Variants in LTN1 observed in about 807,000 individuals in gnomAD.
The protein encoded by LTN1 is listerin E3 ubiquitin protein ligase 1, also known as E3 ubiquitin-protein ligase listerin.
LTN1 carries 88 observed loss-of-function variants against 201.2 expected under a neutral mutation model. The observed-to-expected ratio is 0.44, with a 90% CI of 0.37 to 0.52. LTN1 has a LOEUF of 0.52. Ranked by LOEUF, LTN1 falls within the 20% of genes least tolerant of loss-of-function variation. LTN1 has a pLI of 0.00. For synonymous variants in LTN1, 645 were observed against 713.5 expected, an observed-to-expected ratio of 0.90 and a Z score of 1.53; for missense variants, 1,752 against 2,038.7, an observed-to-expected ratio of 0.86 and a Z score of 2.71.
intron 26 of LTN1, among the ~76,000 whole-genome samples, 199 bp downstream of exon 26, chr21:28,936,327 G>A (rs954083287): frequency 6.6e-6 from 1 of 152,198 alleles, no homozygotes; most frequent in Admixed American, 6.5e-5. Flanking sequence ...CTTCAAAAAT[G>A]TATTAAATTC....
At chr21:28,980,831 AAAAT>A (rs2084652806) in intron 6 of LTN1, among the ~76,000 whole-genome samples, 2 of 152,220 alleles carry the variant, frequency 1.3e-5, no homozygotes, top group Admixed American at 6.5e-5. Context: ...CAAAAGGGAA[AAAAT>A]AAATTAATTA....
rs2084295740 is a variant in LTN1 at position 28,941,321 on chromosome 21, T to C, written c.4381A>G (p.Ile1461Val). The change falls in exon 25 of 30, where the codon ATA (isoleucine) becomes GTA (valine). Residue 1461 changes from isoleucine to valine, a missense_variant. This residue lies in a region of LTN1 where 1,211 missense variants were observed against 1,312.8 expected (regional missense o/e 0.92). Transcript: ENST00000361371. The stretch of plus-strand genomic sequence containing the variant: ...TCACTCAGTGGTTTAATAGTAACTA[T>C]CTGTCCAACAGGAATACACCCCAAA... Reference protein sequence around the residue: ...NVLGCIPVGQIVTIKPLSEDF... With the variant: ...NVLGCIPVGQVVTIKPLSEDF... 1.9e-6 allele frequency: 3 copies of C among 1,613,360 alleles called. No homozygotes were observed. The highest frequency in any genetic ancestry group is 8.5e-7 in the Non-Finnish European group (1 of 1,179,428).
At chr21:28,992,517 T>A (rs2084755501) in intron 1 of LTN1, among the ~76,000 whole-genome samples, 1 of 152,122 alleles carries the variant, frequency 6.6e-6, no homozygotes, top group African/African-American at 2.4e-5. Flanking sequence ...TCTTCATGAA[T>A]ATTATGGGTG....
intron 9 of LTN1, among the ~76,000 whole-genome samples, chr21:28,968,725 A>G (rs1412414309): frequency 5.3e-5 from 8 of 151,616 alleles, no homozygotes; most frequent in Non-Finnish European, 1.2e-4. Context: ...GCAATTCTCC[A>G]GCCTCCTGAG....
intron 6 of LTN1, among the ~76,000 whole-genome samples, chr21:28,975,516 T>C (rs149895333): frequency 3.9e-5 from 6 of 152,352 alleles, no homozygotes; most frequent in African/African-American, 1.4e-4. Context: ...TTGCAGGCCA[T>C]GTCATCTCTG....
chr21:28,959,823 A>G (rs1487402261), intron 12 of LTN1, 126 bp from the exon 13 acceptor site: 25 of 756,342 alleles, frequency 3.3e-5, no homozygotes, highest in South Asian at 2.0e-4. Context: ...ACAAAATTTT[A>G]TCAACAAATC....
intron 1 of LTN1, among the ~76,000 whole-genome samples, chr21:28,989,504 C>A (rs2084728553): frequency 6.6e-6 from 1 of 151,880 alleles, no homozygotes; most frequent in African/African-American, 2.4e-5. Flanking sequence ...TCTGTCTACA[C>A]TCTTTCATGC....
In LTN1 at chr21:28,941,200, G is replaced by A. The variant is rs2084294608; in HGVS notation, c.4482+20C>T. On this transcript the variant is annotated intron_variant, in intron 25 of 29. Transcript: ENST00000361371. The stretch of plus-strand genomic sequence containing the variant: ...GCATATTAGGACAGAACTATCGAAA[G>A]TTGTCACATATTTATTTACCTGTGA... 17 of 1,583,542 alleles carry A rather than the reference G, an allele frequency of 1.1e-5. No homozygotes were observed. Among genetic ancestry groups the A allele is most frequent in the Non-Finnish European group, 1.5e-5 (17 of 1,156,514 alleles).
chr21:28,984,667 G>A, intron 4 of LTN1, 25 bp downstream of exon 4: 1 of 1,517,572 alleles, frequency 6.6e-7, no homozygotes, highest in South Asian at 1.2e-5. Context: ...AAAAAAAATA[G>A]ATTCAGAATG....
intron 27 of LTN1, among the ~76,000 whole-genome samples, chr21:28,933,679 T>C (rs1488574707): frequency 5.3e-4 from 53 of 100,766 alleles, no homozygotes; most frequent in African/African-American, 1.0e-3. Flanking sequence ...CTCTCTCTCT[T>C]TTTTTTTTTT....
intron 7 of LTN1, among the ~76,000 whole-genome samples, 193 bp downstream of exon 7, chr21:28,971,078 A>C (rs2084570286): frequency 1.3e-5 from 2 of 152,242 alleles, no homozygotes; most frequent in Admixed American, 6.5e-5. Context: ...GCACTAGGAC[A>C]CATAAGGTTT....
intron 6 of LTN1, among the ~76,000 whole-genome samples, chr21:28,972,517 A>C (rs1208768111): frequency 6.6e-6 from 1 of 152,182 alleles, no homozygotes; most frequent in Non-Finnish European, 1.5e-5. Context: ...TGGAAGGCTG[A>C]CTGTATTTTG....
At chr21:28,955,418 T>C (rs907670065) in intron 16 of LTN1, among the ~76,000 whole-genome samples, 15 of 152,086 alleles carry the variant, frequency 9.9e-5, no homozygotes, top group African/African-American at 3.6e-4. Context: ...TATGGAAGTA[T>C]TTCAAAAAAC....
At chr21:28,949,938 A>G (rs2146276225) in intron 18 of LTN1, among the ~76,000 whole-genome samples, 1 of 152,324 alleles carries the variant, frequency 6.6e-6, no homozygotes, top group East Asian at 1.9e-4. Flanking sequence ...ATGTGTGGAT[A>G]GGTTTCTGGA....
chr21:28,970,697 G>C lies in LTN1; in HGVS notation c.1030C>G (p.Leu344Val). Reference protein sequence around the residue: ...VNAKKSVFPKLSTVIREGGRG... With the variant: ...VNAKKSVFPKVSTVIREGGRG... ...CCACCTTCACGAATCACAGTTGATA[G>C]CTTGGGAAACACACTCTTTTTTGCA... The change falls in exon 8 of 30, where the codon CTA (leucine) becomes GTA (valine). Residue 344 changes from leucine to valine, a missense_variant. Physicochemically the swap from Leu to Val is conservative, Grantham distance 32 (BLOSUM62 1). Transcript: ENST00000361371. The C allele has an allele frequency of 6.2e-7, 1 of 1,613,952 alleles. No individual in the cohort carries two copies. The highest frequency in any genetic ancestry group is 1.1e-5 in the South Asian group (1 of 91,070).
intron 8 of LTN1, among the ~76,000 whole-genome samples, chr21:28,970,152 A>T (rs1240327160): frequency 6.6e-6 from 1 of 152,234 alleles, no homozygotes; most frequent in Non-Finnish European, 1.5e-5. Flanking sequence ...TTAAACATCT[A>T]TAGTAGTTAA....
intron 18 of LTN1, among the ~76,000 whole-genome samples, chr21:28,948,788 C>T (rs1431160567): frequency 6.6e-6 from 1 of 152,148 alleles, no homozygotes; most frequent in Non-Finnish European, 1.5e-5. Flanking sequence ...TATCAGTGAA[C>T]ATTTAGGTTT....
At chr21:28,945,013 G>A (rs2146269010) in intron 21 of LTN1, among the ~76,000 whole-genome samples, 1 of 152,210 alleles carries the variant, frequency 6.6e-6, no homozygotes, top group African/African-American at 2.4e-5. Context: ...CATGAGGGCA[G>A]GAGTTTGAGA....
intron 5 of LTN1, 23 bp downstream of exon 5, chr21:28,982,293 T>TA: frequency 6.3e-7 from 1 of 1,593,556 alleles, no homozygotes; most frequent in Non-Finnish European, 8.6e-7. Context: ...TAACATGAGT[T>TA]ACAATGAAAC....
Sources: allele counts gnomAD v4.1 joint callset (sites outside exome capture counted in the v4.1 genomes callset), GRCh38; gene constraint gnomAD v4.1.1; regional missense constraint gnomAD v4.1.1; transcripts MANE v1.5; gene names NCBI Gene and HGNC (gene_info 2026-07-23, HGNC 2026-07-21).